MED13: variants seen among roughly 807,000 people sequenced by gnomAD.
The protein encoded by MED13 is mediator complex subunit 13.
Under a neutral mutation model 225.2 loss-of-function variants are expected in MED13, and 23 were observed. The observed-to-expected ratio is 0.10, with a 90% CI of 0.07 to 0.14. The LOEUF (loss-of-function observed/expected upper bound fraction) is 0.14, where lower values mean the gene tolerates loss of function less well. Ranked by LOEUF, MED13 falls within the 10% of genes least tolerant of loss-of-function variation. MED13 has a pLI of 1.00. For synonymous variants in MED13, 942 were observed against 889.2 expected, an observed-to-expected ratio of 1.06 and a Z score of -1.06; for missense variants, 2,197 against 2,594.5, an observed-to-expected ratio of 0.85 and a Z score of 3.33.
At chr17:62,038,697 A>T (rs2080827101) in intron 3 of MED13, among the ~76,000 whole-genome samples, 1 of 152,118 alleles carries the variant, frequency 6.6e-6, no homozygotes, top group Non-Finnish European at 1.5e-5. Context: ...TATGGTTTAG[A>T]GACAGGTTCT....
intron 27 of MED13, among the ~76,000 whole-genome samples, chr17:61,952,516 G>C (rs2079905112): frequency 1.3e-5 from 2 of 152,276 alleles, no homozygotes; most frequent in South Asian, 4.1e-4. Flanking sequence ...AGAAAATACG[G>C]ATTCAGGGAA....
intron 4 of MED13, among the ~76,000 whole-genome samples, chr17:62,034,565 A>G (rs545902544): frequency 3.3e-5 from 5 of 152,220 alleles, no homozygotes; most frequent in African/African-American, 9.6e-5. Flanking sequence ...TGTATCCTTC[A>G]ATTTACTTTG....
chr17:62,042,297 C>A (rs1222580838), intron 3 of MED13, among the ~76,000 whole-genome samples: 1 of 152,104 alleles, frequency 6.6e-6, no homozygotes, highest in African/African-American at 2.4e-5. Context: ...GGCACGGGGG[C>A]TGATGCCTGT....
At chr17:62,025,162 G>A (rs1055148939) in intron 8 of MED13, among the ~76,000 whole-genome samples, 14 of 152,186 alleles carry the variant, frequency 9.2e-5, no homozygotes, top group African/African-American at 3.4e-4. Context: ...GAACCAGAGA[G>A]TAAATATTTT....
At chr17:62,023,647 T>C (rs1421930213) in intron 8 of MED13, among the ~76,000 whole-genome samples, 1 of 152,184 alleles carries the variant, frequency 6.6e-6, no homozygotes, top group Non-Finnish European at 1.5e-5. Flanking sequence ...GGAAATTTAA[T>C]TCCCTGCAAT....
rs374379786 is a variant in MED13, at chr17:62,033,979, A to G, written c.622T>C (p.Leu208=). The G allele has an allele frequency of 3.7e-6, 6 of 1,613,698 alleles. No homozygotes were observed. Among genetic ancestry groups the G allele is most frequent in the Non-Finnish European group, 4.2e-6 (5 of 1,179,800 alleles). ...QQSNSPFQVI[L]CPFGLNGTLT... ...GTGCCATTTAGTCCAAATGGGCATAAGATAACTAGAAACCCAAAGCAGACA... is the reference window on the plus strand; with the variant it reads ...GTGCCATTTAGTCCAAATGGGCATAGGATAACTAGAAACCCAAAGCAGACA... The change falls in exon 5 of 30, where the codon TTA becomes CTA. Residue 208 remains leucine (L), a synonymous_variant. Coordinates refer to ENST00000397786, the MANE Select transcript of MED13 (RefSeq NM_005121.3).
In MED13 at chr17:62,010,740, C is replaced by T; in HGVS notation, c.1777G>A (p.Ala593Thr). Residue 593 changes from alanine (A) to threonine (T), a missense_variant, in exon 9 of 30, where the codon GCT (alanine) becomes ACT (threonine). Transcript: ENST00000397786. Reference protein sequence around the residue: ...SQSFPPQYQEAVEPTVYVGTA... With the variant: ...SQSFPPQYQETVEPTVYVGTA... ...CCAACATATACTGTAGGTTCTACAG[C>T]TTCCTGATATTGAGGTGGGAAAGAC... is the stretch of plus-strand genomic sequence containing the variant. 6.2e-7 allele frequency: 1 copy of T among 1,613,676 alleles called. No individual in the cohort carries two copies.
intron 1 of MED13, among the ~76,000 whole-genome samples, chr17:62,063,934 G>C (rs776674726): frequency 6.6e-6 from 1 of 152,212 alleles, no homozygotes; most frequent in Non-Finnish European, 1.5e-5. Flanking sequence ...CATGTGAAGA[G>C]ATGCTGATTA....
At chr17:62,000,039 T>C (rs1305019360) in intron 9 of MED13, among the ~76,000 whole-genome samples, 2 of 152,312 alleles carry the variant, frequency 1.3e-5, no homozygotes, top group African/African-American at 2.4e-5. Context: ...CACTGCACCA[T>C]AGCCTGGGTA....
chr17:62,019,264 G>A (rs1255355175), intron 8 of MED13, among the ~76,000 whole-genome samples: 1 of 152,140 alleles, frequency 6.6e-6, no homozygotes, highest in Non-Finnish European at 1.5e-5. Flanking sequence ...GTAAAACAAT[G>A]CCACTCAATT....
chr17:61,966,661 T>G lies in MED13; in HGVS notation c.4192-10A>C. Reference sequence around the variant, plus strand: ...GACCTAATCGACAGGACTACAAATATACATACAGAAAGCAGAATTAGTAAA... The same window carrying G: ...GACCTAATCGACAGGACTACAAATAGACATACAGAAAGCAGAATTAGTAAA... On this transcript the variant is annotated splice_polypyrimidine_tract_variant and intron_variant, in intron 18 of 29. Transcript: ENST00000397786. 7.1e-6 allele frequency: 11 copies of G among 1,548,104 alleles called. No homozygotes were observed. Among genetic ancestry groups the G allele is most frequent in the Non-Finnish European group, 9.6e-6 (11 of 1,148,440 alleles).
Position 61,965,361 on chromosome 17 carries a change from C to T in MED13, c.4489G>A (p.Gly1497Arg). Residue 1497 changes from glycine (G) to arginine (R), a missense_variant, in exon 20 of 30, where the codon GGA becomes AGA. Gly to Arg is a moderately radical substitution (Grantham distance 125). Coordinates refer to ENST00000397786, the MANE Select transcript of MED13 (RefSeq NM_005121.3). Reference protein sequence around the residue: ...LITPPQMTNTGNANTPSATLA... With the variant: ...LITPPQMTNTRNANTPSATLA... ...GTGGCAGATGGAGTATTAGCATTTCCAGTATTTGTCATCTGAGGTGGAGTA... is the reference window on the plus strand; with the variant it reads ...GTGGCAGATGGAGTATTAGCATTTCTAGTATTTGTCATCTGAGGTGGAGTA... 1.9e-6 allele frequency: 3 copies of T among 1,614,154 alleles called. No individual in the cohort carries two copies. The highest frequency in any genetic ancestry group is 2.5e-6 in the Non-Finnish European group (3 of 1,180,024).
intron 21 of MED13, among the ~76,000 whole-genome samples, chr17:61,962,072 G>A (rs912775406): frequency 2.6e-5 from 4 of 152,114 alleles, no homozygotes; most frequent in Non-Finnish European, 5.9e-5. Flanking sequence ...CAGATCACCA[G>A]GTCAAGAGAT....
intron 1 of MED13, 78 bp downstream of exon 1, chr17:62,065,062 A>G (rs2081070562): frequency 2.2e-6 from 3 of 1,338,574 alleles, no homozygotes; most frequent in Non-Finnish European, 3.0e-6. Flanking sequence ...TCTGGACCAG[A>G]CCCGGCCCCC....
intron 27 of MED13, 127 bp from the exon 28 acceptor site, chr17:61,951,125 G>C (rs1270972639): frequency 3.1e-6 from 2 of 655,012 alleles, no homozygotes; most frequent in East Asian, 6.7e-5. Context: ...AATACTGAAG[G>C]ATATTGAAAA....
At chr17:62,010,492 G>A in intron 9 of MED13, 58 bp downstream of exon 9, 1 of 1,139,624 alleles carries the variant, frequency 8.8e-7, no homozygotes, top group East Asian at 2.7e-5. Flanking sequence ...CTAGTATTAA[G>A]AACTTGCATC....
intron 8 of MED13, among the ~76,000 whole-genome samples, chr17:62,017,550 A>G (rs2143623713): frequency 6.6e-6 from 1 of 152,348 alleles, no homozygotes; most frequent in South Asian, 2.1e-4. Flanking sequence ...TTTTCATAAT[A>G]GCATCAAAAC....
chr17:61,973,683 T>C (rs1401426587), intron 16 of MED13, among the ~76,000 whole-genome samples: 1 of 152,188 alleles, frequency 6.6e-6, no homozygotes, highest in African/African-American at 2.4e-5. Context: ...CAATTTCCTA[T>C]ACCTAAAAAG....
Position 62,026,644 on chromosome 17 carries a change from A to G in MED13, c.1283+2897T>C, listed in dbSNP as rs904462386. On this transcript the variant is annotated intron_variant, in intron 8 of 29. Transcript: ENST00000397786. ...TTCAAATAGGAAGAAAGGAAACAAA[A>G]GTAACCCTGTTGGCAGACAACATGA... 7.2e-5 allele frequency among the ~76,000 whole-genome samples: 11 copies of G among 152,298 alleles called. No homozygotes were observed. The South Asian group carries it at 8.3e-4, about 11-fold the overall frequency.
Sources: gnomAD v4.1 joint callset for allele counts (sites outside exome capture counted in the v4.1 genomes callset) on GRCh38, gnomAD v4.1.1 for gene constraint, MANE v1.5 for transcripts, NCBI Gene and HGNC (gene_info 2026-07-23, HGNC 2026-07-21) for gene names.